ICA1L: variants seen among roughly 807,000 people sequenced by gnomAD.
ICA1L encodes the protein islet cell autoantigen 1-like protein.
In ICA1L, 50 loss-of-function variants were observed where a neutral mutation model predicts 61.3. The observed-to-expected ratio is 0.82, with a 90% CI of 0.65 to 1.03. The LOEUF (loss-of-function observed/expected upper bound fraction) is 1.03, where lower values mean the gene tolerates loss of function less well. Ranked by LOEUF, ICA1L falls within the 50% of genes least tolerant of loss-of-function variation. ICA1L has a pLI of 0.00. For missense variants in ICA1L, 508 were observed against 556.7 expected, an observed-to-expected ratio of 0.91 and a Z score of 0.88; for synonymous variants, 161 against 191.3, an observed-to-expected ratio of 0.84 and a Z score of 1.31.
At chr2:202,797,945 T>G (rs973339965) in intron 9 of ICA1L, among the ~76,000 whole-genome samples, 2 of 152,098 alleles carry the variant, frequency 1.3e-5, no homozygotes, top group Non-Finnish European at 2.9e-5. Context: ...TCCCCCCAGT[T>G]CCCTCCCCAC....
At chr2:202,812,190 G>C (rs1376303188) in intron 8 of ICA1L, among the ~76,000 whole-genome samples, 1 of 152,222 alleles carries the variant, frequency 6.6e-6, no homozygotes, top group Non-Finnish European at 1.5e-5. Flanking sequence ...ACAATGAAGT[G>C]ATGTTTGCAA....
At chr2:202,829,191 A>C (rs143805266) in intron 1 of ICA1L, 175 bp from the exon 2 acceptor site, 34,155 of 364,040 alleles carry the variant, frequency 0.094, 2,021 homozygotes, top group Non-Finnish European at 0.12. Flanking sequence ...TACTAAAAAT[A>C]CAAAAAAAAA....
At chr2:202,840,488 C>A (rs1449762753) in intron 1 of ICA1L, 1 of 519,382 alleles carries the variant, frequency 1.9e-6, no homozygotes, top group South Asian at 1.4e-5. Flanking sequence ...GAGGCTGGGG[C>A]TTGTGAGACC....
intron 2 of ICA1L, among the ~76,000 whole-genome samples, chr2:202,826,203 T>G (rs1693837698): frequency 6.6e-6 from 1 of 152,210 alleles, no homozygotes; most frequent in Non-Finnish European, 1.5e-5. Flanking sequence ...GTGAATTTAC[T>G]ATAAAAATTA....
intron 5 of ICA1L, among the ~76,000 whole-genome samples, chr2:202,818,374 T>A (rs979518479): frequency 2.0e-5 from 3 of 152,098 alleles, no homozygotes; most frequent in African/African-American, 7.2e-5. Context: ...GAAGACCTTA[T>A]CATGTTAGAA....
intron 9 of ICA1L, among the ~76,000 whole-genome samples, chr2:202,810,068 C>T (rs1330830077): frequency 3.3e-5 from 5 of 151,808 alleles, no homozygotes; most frequent in African/African-American, 4.8e-5. Context: ...CAAAGGTCAA[C>T]GATAAAGAAA....
At chr2:202,868,786 G>A (rs1041958378) in intron 1 of ICA1L, among the ~76,000 whole-genome samples, 6 of 151,256 alleles carry the variant, frequency 4.0e-5, no homozygotes, top group Admixed American at 4.0e-4. Flanking sequence ...GAACAATATG[G>A]TAAAACCCCC....
Position 202,818,863 on chromosome 2 carries a change from C to A in ICA1L, c.558+838G>T, listed in dbSNP as rs564251215. Among the ~76,000 whole-genome samples the A allele has an allele frequency of 7.9e-5, 12 of 152,288 alleles. No individual in the cohort carries two copies. In the East Asian group the frequency reaches 1.2e-3, roughly 15 times the overall value. On this transcript the variant is annotated intron_variant, in intron 5 of 12. Coordinates refer to ENST00000358299, the MANE Select transcript of ICA1L (RefSeq NM_001288622.3). ...CATGAAAATAGACTAATACATTATT[C>A]TTCTTTTAAAAATTGAGGTGAAAGT...
chr2:202,783,139 T>C (rs1364155483), intron 12 of ICA1L, among the ~76,000 whole-genome samples: 1 of 151,960 alleles, frequency 6.6e-6, no homozygotes, highest in Admixed American at 6.6e-5. Flanking sequence ...AACTTGTAAA[T>C]AGAGAGGGAA....
rs559206792 is a variant in ICA1L at position 202,822,133 on chromosome 2, C to T, written c.236-652G>A. 4.6e-4 allele frequency among the ~76,000 whole-genome samples: 70 copies of T among 152,322 alleles called. No homozygotes were observed. The Middle Eastern group carries it at 0.01, about 22-fold the overall frequency. ...AATCTAATAAAGTGAGCTTATAATA[C>T]ATTTTTCACGTATTTTATTTCATTT... On this transcript the variant is annotated intron_variant, in intron 3 of 12. Coordinates refer to ENST00000358299, the MANE Select transcript of ICA1L (RefSeq NM_001288622.3).
chr2:202,842,005 C>T (rs1013647191), intron 1 of ICA1L, among the ~76,000 whole-genome samples: 1 of 152,006 alleles, frequency 6.6e-6, no homozygotes, highest in African/African-American at 2.4e-5. Flanking sequence ...CACCTACCAC[C>T]AGGCCCAGCT....
chr2:202,839,558 C>CTGTGTGTGTGTGTGTG lies in ICA1L; in HGVS notation c.-7-10558_-7-10543dup, dbSNP rs57535958. Among the ~76,000 whole-genome samples, 58 of 114,436 alleles carry CTGTGTGTGTGTGTGTG rather than the reference C, an allele frequency of 5.1e-4. 1 individual carries two copies. Among genetic ancestry groups the CTGTGTGTGTGTGTGTG allele is most frequent in the African/African-American group, 1.8e-3 (47 of 26,302 alleles). The allele number at this position is 114,436 out of a possible 152,430, so 75.1% of individuals were successfully genotyped here. The stretch of plus-strand genomic sequence containing the variant: ...TCTTCCAGGCAGCATACAGTTAAGT[C>CTGTGTGTGTGTGTGTG]TGTGTGTGTGTGTGTGTGTGTGTGT... On this transcript the variant is annotated intron_variant, in intron 1 of 12. Transcript: ENST00000358299.
intron 1 of ICA1L, among the ~76,000 whole-genome samples, chr2:202,864,410 A>T (rs1267741554): frequency 6.6e-6 from 1 of 151,816 alleles, no homozygotes; most frequent in Non-Finnish European, 1.5e-5. Context: ...CGCCTGGCTA[A>T]TTTTTTTGTA....
At chr2:202,811,929 T>C in intron 8 of ICA1L, 140 bp from the exon 9 acceptor site, 1 of 684,694 alleles carries the variant, frequency 1.5e-6, no homozygotes, top group Non-Finnish European at 2.6e-6. Context: ...CCCTAAAATC[T>C]ATATCTGGTG....
chr2:202,831,733 C>T (rs574122438), intron 1 of ICA1L, among the ~76,000 whole-genome samples: 11 of 152,312 alleles, frequency 7.2e-5, no homozygotes, highest in Non-Finnish European at 1.6e-4. Context: ...CACACGTTCC[C>T]TGGCAAAGGG....
intron 9 of ICA1L, among the ~76,000 whole-genome samples, chr2:202,811,360 A>G (rs979635119): frequency 6.6e-6 from 1 of 152,168 alleles, no homozygotes; most frequent in African/African-American, 2.4e-5. Context: ...CAGACAAAAC[A>G]AAAGTTGATG....
chr2:202,822,164 A>G (rs1397205212), intron 3 of ICA1L, among the ~76,000 whole-genome samples: 1 of 152,126 alleles, frequency 6.6e-6, no homozygotes, highest in Non-Finnish European at 1.5e-5. Flanking sequence ...CATTTTTCTA[A>G]AAGTTATTTT....
At chr2:202,829,120 G>T in intron 1 of ICA1L, 104 bp from the exon 2 acceptor site, 1 of 849,900 alleles carries the variant, frequency 1.2e-6, no homozygotes. Context: ...AGGCTGAGGC[G>T]AGCGGATCAC....
At chr2:202,836,812 T>G (rs868415439) in intron 1 of ICA1L, among the ~76,000 whole-genome samples, 3 of 147,638 alleles carry the variant, frequency 2.0e-5, no homozygotes, top group Non-Finnish European at 4.5e-5. Context: ...TATAGATATA[T>G]ATAGATATAT....
Sources: gnomAD v4.1 joint callset for allele counts (sites outside exome capture counted in the v4.1 genomes callset) on GRCh38, gnomAD v4.1.1 for gene constraint, MANE v1.5 for transcripts, NCBI Gene and HGNC (gene_info 2026-07-23, HGNC 2026-07-21) for gene names.